COLGALT2: variants seen among roughly 807,000 people sequenced by gnomAD.
The protein encoded by COLGALT2 is collagen beta(1-O)galactosyltransferase 2.
A neutral mutation model predicts 73.4 loss-of-function variants in COLGALT2; 49 were observed. The observed-to-expected ratio is 0.67, with a 90% confidence interval of 0.53 to 0.85. The LOEUF (loss-of-function observed/expected upper bound fraction) is 0.85. Among genes scored for constraint, COLGALT2 ranks in the 40% least tolerant of loss-of-function variants. The pLI is 0.00. For synonymous variants in COLGALT2, 295 were observed against 307.6 expected (o/e 0.96, Z 0.43); for missense variants, 722 against 790.2 (o/e 0.91, Z 1.03).
chr1:183,974,847 C>T (rs1298637668), intron 3 of COLGALT2, among the ~76,000 whole-genome samples: 1 of 152,226 alleles, frequency 6.6e-6, no homozygotes, highest in African/African-American at 2.4e-5. Context: ...ATGCCTGTTG[C>T]ATGGCAGAGA....
At chr1:183,953,348 G>C (rs1199858964) in intron 7 of COLGALT2, among the ~76,000 whole-genome samples, 2 of 152,188 alleles carry the variant, frequency 1.3e-5, no homozygotes, top group Non-Finnish European at 2.9e-5. Context: ...CTCCGAGCCT[G>C]TGCCACTTCA....
rs1649716527 is a variant in COLGALT2, at chr1:184,037,217, C to T, written c.141G>A (p.Glu47=). 1 of 1,602,410 alleles carries T rather than the reference C, an allele frequency of 6.2e-7. No individual in the cohort carries two copies. The highest frequency in any genetic ancestry group is 1.3e-5 in the African/African-American group (1 of 74,556). Residue 47 remains glutamate, a synonymous_variant, in exon 1 of 12, where the codon GAG becomes GAA. Transcript: ENST00000361927. ...GCACCGTGGGGCTCTGCAGGGGCGA[C>T]TCCGGGAAAACCACCGGCTCCTCTC... ...DDGEEPVVFP[E]SPLQSPTVLV...
At chr1:184,030,279 T>C (rs1649466810) in intron 1 of COLGALT2, among the ~76,000 whole-genome samples, 1 of 152,200 alleles carries the variant, frequency 6.6e-6, no homozygotes, top group Non-Finnish European at 1.5e-5. Context: ...TGTCAAAACA[T>C]AGAATACATA....
At chr1:183,966,173 C>T (rs1670866297) in intron 5 of COLGALT2, among the ~76,000 whole-genome samples, 1 of 152,078 alleles carries the variant, frequency 6.6e-6, no homozygotes, top group Non-Finnish European at 1.5e-5. Flanking sequence ...ATACTTTCAA[C>T]CATGTGCATG....
At chr1:184,000,663 A>G (rs1671895060) in intron 1 of COLGALT2, among the ~76,000 whole-genome samples, 1 of 151,778 alleles carries the variant, frequency 6.6e-6, no homozygotes, top group Non-Finnish European at 1.5e-5. Context: ...AGTCTTTATT[A>G]TTTACCTTTT....
At chr1:183,953,079 A>AAAT (rs1670443455) in intron 7 of COLGALT2, among the ~76,000 whole-genome samples, 1 of 152,230 alleles carries the variant, frequency 6.6e-6, no homozygotes, top group Non-Finnish European at 1.5e-5. Context: ...GACTTTCAGT[A>AAAT]AATAACAATC....
At chr1:183,959,615 T>A (rs1175178493) in intron 6 of COLGALT2, among the ~76,000 whole-genome samples, 1 of 151,838 alleles carries the variant, frequency 6.6e-6, no homozygotes, top group African/African-American at 2.4e-5. Flanking sequence ...CCAATCACCA[T>A]CATGTCCCAC....
chr1:184,008,494 T>C (rs1369005194), intron 1 of COLGALT2, among the ~76,000 whole-genome samples: 1 of 152,022 alleles, frequency 6.6e-6, no homozygotes, highest in Non-Finnish European at 1.5e-5. Context: ...TTTTGGGAGG[T>C]TGAGGCGGGA....
intron 2 of COLGALT2, among the ~76,000 whole-genome samples, chr1:183,977,741 G>A (rs1484075545): frequency 1.3e-5 from 2 of 151,732 alleles, no homozygotes; most frequent in African/African-American, 4.8e-5. Flanking sequence ...GTGGAGCTAT[G>A]GTCATGCCAC....
chr1:183,984,268 G>A (rs1671428482), intron 1 of COLGALT2, among the ~76,000 whole-genome samples: 1 of 152,182 alleles, frequency 6.6e-6, no homozygotes, highest in African/African-American at 2.4e-5. Context: ...AACCAGGCGT[G>A]GTGGTGTGTG....
chr1:183,973,795 G>A lies in COLGALT2; in HGVS notation c.493-45C>T, dbSNP rs200539791. On this transcript the variant is annotated intron_variant, in intron 3 of 11. Transcript: ENST00000361927. ...ATGTTAGGTGAAAAGGTACTTTTCA[G>A]TAATGAGTTTGAGAATAACCCAGCC... is the stretch of plus-strand genomic sequence containing the variant. The A allele has an allele frequency of 5.6e-5, 89 of 1,582,278 alleles. 1 individual carries two copies. Among genetic ancestry groups the A allele is most frequent in the South Asian group, 1.5e-4 (13 of 88,978 alleles).
At chr1:183,973,510 G>T in intron 4 of COLGALT2, 106 bp downstream of exon 4, 1 of 1,388,326 alleles carries the variant, frequency 7.2e-7, no homozygotes, top group Non-Finnish European at 1.0e-6. Context: ...ACAATGACAC[G>T]CATGTTTCAA....
chr1:183,968,572 A>G (rs1247468130), intron 5 of COLGALT2, among the ~76,000 whole-genome samples: 1 of 152,176 alleles, frequency 6.6e-6, no homozygotes, highest in Middle Eastern at 3.2e-3. Context: ...GCAGAGAATA[A>G]AGACGACATT....
chr1:183,930,204 C>T (rs1389292446), exon 12 of COLGALT2: 1 of 456,040 alleles, frequency 2.2e-6, no homozygotes, highest in Non-Finnish European at 4.4e-6. Context: ...GGGGTAATGC[C>T]TTCTCCTAGG....
rs903322111 is a variant in COLGALT2 at position 184,034,137 on chromosome 1, T to C, written c.263+2958A>G. ...ATATCTCATAAGCTTCCCAGCCAAA[T>C]ATTCCCCTAGGGCCAGACCAGAAGT... On this transcript the variant is annotated intron_variant, in intron 1 of 11. Coordinates refer to ENST00000361927, the MANE Select transcript of COLGALT2 (RefSeq NM_015101.4). Among the ~76,000 whole-genome samples, 13 of 152,136 alleles carry C rather than the reference T, an allele frequency of 8.5e-5. 1 individual carries two copies. The highest frequency in any genetic ancestry group is 3.1e-4 in the African/African-American group (13 of 41,430).
rs947203560 is a variant in COLGALT2, at chr1:183,968,080, C to T, written c.832+1189G>A. 3.9e-5 allele frequency among the ~76,000 whole-genome samples: 6 copies of T among 152,294 alleles called. No individual in the cohort carries two copies. In the South Asian group the frequency reaches 8.3e-4, roughly 21 times the overall value. On this transcript the variant is annotated intron_variant, in intron 5 of 11. Coordinates refer to ENST00000361927, the MANE Select transcript of COLGALT2 (RefSeq NM_015101.4). The stretch of plus-strand genomic sequence containing the variant: ...TGTAGCTTGAATTTGTATTAACATT[C>T]TCATCTGCCAGCCACTTCCTCAGCT...
Position 183,938,196 on chromosome 1 carries a change from G to T in COLGALT2, c.*565C>A, listed in dbSNP as rs570078143. 13 of 947,060 alleles carry T rather than the reference G, an allele frequency of 1.4e-5. No individual in the cohort carries two copies. The East Asian group carries it at 3.7e-4, about 27-fold the overall frequency. The allele number at this position is 947,060 out of a possible 1,614,324, so 58.7% of individuals were successfully genotyped here. A position where few individuals can be genotyped will look rare whatever the true frequency, so the allele number is the denominator to read the frequency against. The stretch of plus-strand genomic sequence containing the variant: ...ACCCCTACTGGATAACAGGGACTAA[G>T]ATTTTTTTTTTTTAAAAAATCTACT... On this transcript the variant is annotated 3_prime_UTR_variant, in exon 12 of 12. Transcript: ENST00000361927.
downstream of COLGALT2, among the ~76,000 whole-genome samples, chr1:183,932,928 G>A (rs1669876771): frequency 6.6e-6 from 1 of 152,162 alleles, no homozygotes. Context: ...CACAGTCCCT[G>A]TGTCTTTCCT....
intron 1 of COLGALT2, among the ~76,000 whole-genome samples, chr1:184,028,401 T>C (rs1420427908): frequency 2.0e-5 from 3 of 152,182 alleles, no homozygotes; most frequent in Admixed American, 1.3e-4. Context: ...AATGAGATAC[T>C]TGCCTTCACC....
Sources: allele counts gnomAD v4.1 joint callset (sites outside exome capture counted in the v4.1 genomes callset), GRCh38; gene constraint gnomAD v4.1.1; transcripts MANE v1.5; gene names NCBI Gene and HGNC (gene_info 2026-07-23, HGNC 2026-07-21).